KCNMA1: variants seen among roughly 807,000 people sequenced by gnomAD.
KCNMA1 encodes potassium calcium-activated channel subfamily M alpha 1, also known as Calcium-activated potassium channel subunit alpha-1.
KCNMA1 carries 29 observed loss-of-function variants against 140.0 expected under a neutral mutation model. That is an observed-to-expected ratio of 0.21 (90% CI 0.15 to 0.28). The LOEUF (loss-of-function observed/expected upper bound fraction) is 0.28. Among genes scored for constraint, KCNMA1 ranks in the 10% least tolerant of loss-of-function variants. The pLI, the probability that KCNMA1 is intolerant of heterozygous loss-of-function variation, is 1.00. For synonymous variants in KCNMA1, 612 were observed against 611.9 expected (o/e 1.00, Z 0.00); for missense variants, 880 against 1,602.2 (o/e 0.55, Z 7.70).
rs373140969 is a variant in KCNMA1 at position 77,256,427 on chromosome 10, G to A, written c.541-5171C>T. Among the ~76,000 whole-genome samples the A allele has an allele frequency of 2.6e-4, 39 of 152,246 alleles. No homozygotes were observed. In the East Asian group the frequency reaches 5.8e-3, roughly 23 times the overall value. On this transcript the variant is annotated intron_variant, in intron 2 of 27. Transcript: ENST00000286628. Reference sequence around the variant, plus strand: ...ATGAGCTGGGGGAGGGGAAGTCTGGGCACCTCTTTTTAACAAGCTCCTCCA... The same window carrying A: ...ATGAGCTGGGGGAGGGGAAGTCTGGACACCTCTTTTTAACAAGCTCCTCCA...
rs189854705 is a variant in KCNMA1, at chr10:77,243,317, C to T, written c.602+7878G>A. Among the ~76,000 whole-genome samples the T allele has an allele frequency of 1.3e-3, 201 of 152,352 alleles. 1 individual carries two copies. Among genetic ancestry groups the T allele is most frequent in the Non-Finnish European group, 1.4e-3 (93 of 68,030 alleles). On this transcript the variant is annotated intron_variant, in intron 3 of 27. Coordinates refer to ENST00000286628, the MANE Select transcript of KCNMA1 (RefSeq NM_001161352.2). ...GCTGGCTCCTATCCTGATCTCTCAG[C>T]AGTCTCTGAATGCATGTCAGCCTGT...
intron 2 of KCNMA1, among the ~76,000 whole-genome samples, chr10:77,346,110 C>A (rs1254773048): frequency 1.3e-5 from 2 of 152,216 alleles, no homozygotes; most frequent in East Asian, 3.8e-4. Context: ...TGCTAGTCTT[C>A]ATGACGAACC....
At chr10:77,157,219 G>A (rs1336800315) in intron 5 of KCNMA1, among the ~76,000 whole-genome samples, 9 of 152,098 alleles carry the variant, frequency 5.9e-5, no homozygotes, top group Non-Finnish European at 1.3e-4. Context: ...AGGCAGGCGG[G>A]TCCCGAGGTC....
chr10:77,266,734 T>C (rs1264783651), intron 2 of KCNMA1, among the ~76,000 whole-genome samples: 1 of 152,208 alleles, frequency 6.6e-6, no homozygotes, highest in Non-Finnish European at 1.5e-5. Flanking sequence ...AAGCACTTCT[T>C]ACTCTTTATT....
At chr10:77,081,382 C>G (rs1470512564) in intron 12 of KCNMA1, among the ~76,000 whole-genome samples, 10 of 152,216 alleles carry the variant, frequency 6.6e-5, no homozygotes, top group Non-Finnish European at 1.3e-4. Flanking sequence ...ATTACCAAGT[C>G]TGTCAGAAGT....
intron 1 of KCNMA1, among the ~76,000 whole-genome samples, chr10:77,458,022 A>G (rs2154522837): frequency 6.6e-6 from 1 of 152,322 alleles, no homozygotes; most frequent in Non-Finnish European, 1.5e-5. Flanking sequence ...GCCCGAGTGA[A>G]TATTCCTAGA....
intron 1 of KCNMA1, among the ~76,000 whole-genome samples, chr10:77,540,657 T>C (rs2059960212): frequency 6.6e-6 from 1 of 152,258 alleles, no homozygotes; most frequent in South Asian, 2.1e-4. Flanking sequence ...CTGTTATCAC[T>C]TTCAATGTTC....
At chr10:77,047,377 G>A (rs542809447) in intron 14 of KCNMA1, among the ~76,000 whole-genome samples, 2 of 152,232 alleles carry the variant, frequency 1.3e-5, no homozygotes, top group South Asian at 4.1e-4. Context: ...TTCAGAGGGC[G>A]ATTAAAAGAC....
At chr10:77,267,443 C>T (rs2154276056) in intron 2 of KCNMA1, among the ~76,000 whole-genome samples, 1 of 152,296 alleles carries the variant, frequency 6.6e-6, no homozygotes, top group East Asian at 1.9e-4. Context: ...TCCATGACTC[C>T]AAAGCTCCTT....
intron 20 of KCNMA1, among the ~76,000 whole-genome samples, chr10:76,966,653 C>T (rs758241451): frequency 5.3e-5 from 8 of 152,068 alleles, no homozygotes; most frequent in South Asian, 2.1e-4. Flanking sequence ...AATTGGGCAA[C>T]GGGTGCTTGG....
At chr10:77,121,778 G>T (rs1231163685) in intron 5 of KCNMA1, among the ~76,000 whole-genome samples, 4 of 152,330 alleles carry the variant, frequency 2.6e-5, no homozygotes, top group Non-Finnish European at 4.4e-5. Flanking sequence ...TTTTAAAAAT[G>T]CAAATTATTA....
chr10:77,081,613 A>C (rs2096568474), intron 12 of KCNMA1, among the ~76,000 whole-genome samples: 1 of 152,222 alleles, frequency 6.6e-6, no homozygotes, highest in African/African-American at 2.4e-5. Context: ...GTACGAATTT[A>C]GGAAATGGAT....
intron 3 of KCNMA1, among the ~76,000 whole-genome samples, chr10:77,198,568 G>GAGATAT (rs1554968719): frequency 2.2e-5 from 3 of 138,428 alleles, no homozygotes; most frequent in Admixed American, 7.3e-5. Context: ...ATATATATGT[G>GAGATAT]ATATATATAT....
chr10:77,168,064 A>G (rs778038320), intron 5 of KCNMA1, among the ~76,000 whole-genome samples: 67 of 152,116 alleles, frequency 4.4e-4, no homozygotes, highest in Non-Finnish European at 7.1e-4. Context: ...TACATGATTT[A>G]TCTCATTGGT....
At position 76,957,745 on chromosome 10, in the gene KCNMA1, G is replaced by T. The variant is rs192538203; in HGVS notation, c.2361-3821C>A. On this transcript the variant is annotated intron_variant, in intron 20 of 27. Transcript: ENST00000286628. ...GAGAGCCCTGAGTAGGTAAAGAAAG[G>T]TTGCTAGAGTGAAGATGAGAGGTAA... Among the ~76,000 whole-genome samples, 40 of 152,302 alleles carry T rather than the reference G, an allele frequency of 2.6e-4. No homozygotes were observed. In the East Asian group the frequency reaches 7.5e-3, roughly 29 times the overall value.
At chr10:77,364,023 T>C (rs1056615567) in intron 2 of KCNMA1, among the ~76,000 whole-genome samples, 2 of 152,206 alleles carry the variant, frequency 1.3e-5, no homozygotes, top group African/African-American at 2.4e-5. Context: ...GCACAATGCC[T>C]GACACCTAGC....
intron 5 of KCNMA1, among the ~76,000 whole-genome samples, chr10:77,173,429 CA>C (rs2098725713): frequency 6.6e-6 from 1 of 152,108 alleles, no homozygotes; most frequent in Non-Finnish European, 1.5e-5. Flanking sequence ...TATGGGCCCC[CA>C]AATGACACCT....
intron 7 of KCNMA1, among the ~76,000 whole-genome samples, chr10:77,111,372 A>G (rs73291908): frequency 0.015 from 2,221 of 152,280 alleles, 55 homozygotes; most frequent in African/African-American, 0.049. Flanking sequence ...CCATTTTCAC[A>G]AAAGTTTCCT....
intron 25 of KCNMA1, among the ~76,000 whole-genome samples, chr10:76,893,181 C>G (rs1284057636): frequency 1.3e-5 from 2 of 152,100 alleles, no homozygotes; most frequent in Non-Finnish European, 1.5e-5. Flanking sequence ...GTTTCATGAT[C>G]TGTAAAATGT....
Sources: allele counts gnomAD v4.1 joint callset (sites outside exome capture counted in the v4.1 genomes callset), GRCh38; gene constraint gnomAD v4.1.1; transcripts MANE v1.5; gene names NCBI Gene and HGNC (gene_info 2026-07-23, HGNC 2026-07-21).